MICU2: variants seen among roughly 807,000 people sequenced by gnomAD.
The protein encoded by MICU2 is calcium uptake protein 2, mitochondrial.
Under a neutral mutation model 60.4 loss-of-function variants are expected in MICU2, and 64 were observed. The ratio of observed to expected loss-of-function variants is 1.06; its 90% CI spans 0.87 to 1.31. The LOEUF (loss-of-function observed/expected upper bound fraction) is 1.31, where lower values mean the gene tolerates loss of function less well. Among genes scored for constraint, MICU2 ranks in the 50% most tolerant of loss-of-function variants. MICU2 has a pLI of 0.00. For synonymous variants in MICU2, 201 were observed against 175.0 expected, an observed-to-expected ratio of 1.15 and a Z score of -1.17; for missense variants, 569 against 531.0, an observed-to-expected ratio of 1.07 and a Z score of -0.70.
At chr13:21,519,331 T>C (rs1162984872) in intron 6 of MICU2, among the ~76,000 whole-genome samples, 2 of 152,194 alleles carry the variant, frequency 1.3e-5, no homozygotes, top group African/African-American at 4.8e-5. Flanking sequence ...GGGCTGGGAT[T>C]ACAGGCGTGA....
chr13:21,593,380 A>G (rs573235149), intron 1 of MICU2, among the ~76,000 whole-genome samples: 1 of 152,254 alleles, frequency 6.6e-6, no homozygotes, highest in East Asian at 1.9e-4. Context: ...AAACAAATGG[A>G]AAAACATTCC....
At chr13:21,552,377 G>GT (rs1395781676) in intron 2 of MICU2, among the ~76,000 whole-genome samples, 12 of 152,076 alleles carry the variant, frequency 7.9e-5, no homozygotes, top group African/African-American at 1.2e-4. Flanking sequence ...CATTCTGTAG[G>GT]TTGCCTGTTC....
chr13:21,494,994 G>A (rs1219827966), intron 11 of MICU2, among the ~76,000 whole-genome samples, 167 bp downstream of exon 11: 1 of 152,006 alleles, frequency 6.6e-6, no homozygotes, highest in East Asian at 1.9e-4. Flanking sequence ...AAAAAGCAAA[G>A]ATGTTTAATC....
At chr13:21,562,949 T>C (rs1200774690) in intron 2 of MICU2, among the ~76,000 whole-genome samples, 1 of 152,218 alleles carries the variant, frequency 6.6e-6, no homozygotes, top group Non-Finnish European at 1.5e-5. Context: ...TCTCTCAAAT[T>C]TGGTTTGTCT....
At chr13:21,579,263 C>T (rs1339600452) in intron 1 of MICU2, among the ~76,000 whole-genome samples, 1 of 151,512 alleles carries the variant, frequency 6.6e-6, no homozygotes, top group African/African-American at 2.4e-5. Context: ...ATATAAATTG[C>T]ACAATACAAA....
intron 2 of MICU2, among the ~76,000 whole-genome samples, chr13:21,548,027 T>C (rs1424285632): frequency 6.6e-6 from 1 of 152,182 alleles, no homozygotes; most frequent in Non-Finnish European, 1.5e-5. Context: ...ATATTCACTA[T>C]AGCATTATTT....
At chr13:21,511,720 C>A (rs1452795585) in intron 7 of MICU2, among the ~76,000 whole-genome samples, 1 of 104,186 alleles carries the variant, frequency 9.6e-6, no homozygotes, top group Non-Finnish European at 1.9e-5. Flanking sequence ...TAGCCTCTGA[C>A]AACAATTAAT....
intron 4 of MICU2, among the ~76,000 whole-genome samples, chr13:21,524,497 C>T (rs1475351949): frequency 6.6e-6 from 1 of 152,184 alleles, no homozygotes; most frequent in African/African-American, 2.4e-5. Context: ...AAATTCAAAT[C>T]AGCATTATCA....
chr13:21,594,743 C>G (rs1054622105), intron 1 of MICU2, among the ~76,000 whole-genome samples: 1 of 152,140 alleles, frequency 6.6e-6, no homozygotes, highest in East Asian at 1.9e-4. Flanking sequence ...ATGGATGAAG[C>G]TGGAAGCCAT....
chr13:21,524,710 T>C (rs1483785121), intron 4 of MICU2, among the ~76,000 whole-genome samples: 1 of 152,204 alleles, frequency 6.6e-6, no homozygotes, highest in Non-Finnish European at 1.5e-5. Flanking sequence ...CAACCGTCAT[T>C]AGAAATTTTT....
At chr13:21,578,872 C>T (rs1012604208) in intron 1 of MICU2, among the ~76,000 whole-genome samples, 2 of 152,172 alleles carry the variant, frequency 1.3e-5, no homozygotes, top group African/African-American at 2.4e-5. Flanking sequence ...GCAGTGTTAA[C>T]TGTACCAAAG....
chr13:21,526,751 T>C (rs9552444), intron 4 of MICU2, among the ~76,000 whole-genome samples: 32,433 of 151,884 alleles, frequency 0.21, 4,442 homozygotes, highest in East Asian at 0.66. Flanking sequence ...CAGATGAAGC[T>C]GAATATGAAA....
At position 21,604,121 on chromosome 13, in the gene MICU2, G is replaced by T; in HGVS notation, c.28C>A (p.Arg10=). Residue 10 remains arginine (R), a synonymous_variant, in exon 1 of 12, where the codon CGG becomes AGG. Transcript: ENST00000382374. The stretch of plus-strand genomic sequence containing the variant: ...AGTTTTCCGCCCCAGGCCGCCACCC[G>T]CGCGCAGCTACCCGCAGCCGCCGCC... MAAAAGSCA[R]VAAWGGKLRR... is the part of the protein sequence containing the mutation. 1 of 1,573,562 alleles carries T rather than the reference G, an allele frequency of 6.4e-7. No homozygotes were observed.
chr13:21,602,897 T>A (rs192866012), intron 1 of MICU2: 3 of 152,228 alleles, frequency 2.0e-5, no homozygotes. Flanking sequence ...TCTACAAAAA[T>A]TTTAAAGCAC....
chr13:21,567,026 T>C (rs1593348611), intron 1 of MICU2, 82 bp from the exon 2 acceptor site: 6 of 1,207,076 alleles, frequency 5.0e-6, no homozygotes, highest in South Asian at 1.6e-5. Flanking sequence ...AAAAGTAACT[T>C]TCACGCTTGG....
intron 1 of MICU2, among the ~76,000 whole-genome samples, chr13:21,601,961 A>G (rs1888827484): frequency 6.6e-6 from 1 of 151,470 alleles, no homozygotes; most frequent in South Asian, 2.1e-4. Context: ...AAAAAAAATT[A>G]GCTGGACGTG....
intron 2 of MICU2, among the ~76,000 whole-genome samples, chr13:21,562,276 G>A (rs538775154): frequency 6.6e-6 from 1 of 152,198 alleles, no homozygotes; most frequent in Admixed American, 6.5e-5. Context: ...AGATCTCTGA[G>A]GAGTCGCCAC....
At chr13:21,494,349 C>A (rs1019539209) in intron 11 of MICU2, among the ~76,000 whole-genome samples, 13 of 152,180 alleles carry the variant, frequency 8.5e-5, no homozygotes, top group African/African-American at 3.1e-4. Flanking sequence ...CCTAGTCTTC[C>A]CCTGGCAGAC....
At position 21,551,881 on chromosome 13, in the gene MICU2, C is replaced by T. The variant is rs546472599; in HGVS notation, c.359-12193G>A. ...CAAGTCTTTGCTATTGCGAATAGTG[C>T]CGCAGTAAACATACGTGTGCATGTG... is the stretch of plus-strand genomic sequence containing the variant. On this transcript the variant is annotated intron_variant, in intron 2 of 11. Transcript: ENST00000382374. Among the ~76,000 whole-genome samples, 189 of 152,148 alleles carry T rather than the reference C, an allele frequency of 1.2e-3. 4 individuals are homozygous for T. In the South Asian group the frequency reaches 0.038, roughly 31 times the overall value.
Sources: allele counts gnomAD v4.1 joint callset (sites outside exome capture counted in the v4.1 genomes callset), GRCh38; gene constraint gnomAD v4.1.1; transcripts MANE v1.5; gene names NCBI Gene and HGNC (gene_info 2026-07-23, HGNC 2026-07-21).